The following NEB variants were observed in gnomAD, a reference collection of about 807,000 sequenced individuals.
NEB encodes the protein nemaline myopathy type 2.
NEB carries 512 observed loss-of-function variants against 952.2 expected under a neutral mutation model. The ratio of observed to expected loss-of-function variants is 0.54; its 90% CI spans 0.50 to 0.58. The LOEUF (loss-of-function observed/expected upper bound fraction) is 0.58, where lower values mean the gene tolerates loss of function less well. Among genes scored for constraint, NEB ranks in the 20% least tolerant of loss-of-function variants. The pLI, the probability that NEB is intolerant of heterozygous loss-of-function variation, is 0.00. For synonymous variants in NEB, 2,900 were observed against 3,149.8 expected, an observed-to-expected ratio of 0.92 and a Z score of 2.66; for missense variants, 8,428 against 9,231.1, an observed-to-expected ratio of 0.91 and a Z score of 3.56.
At chr2:151,647,114 A>G (rs1439236041) in intron 54 of NEB, among the ~76,000 whole-genome samples, 1 of 149,960 alleles carries the variant, frequency 6.7e-6, no homozygotes, top group Non-Finnish European at 1.5e-5. Context: ...TAAAACTAAT[A>G]ATTTTTTTTT....
chr2:151,663,292 G>T (rs2099167815), intron 45 of NEB, among the ~76,000 whole-genome samples: 1 of 152,142 alleles, frequency 6.6e-6, no homozygotes, highest in Admixed American at 6.5e-5. Flanking sequence ...TTTCTGAAAT[G>T]AAGTTCCATT....
At chr2:151,517,973 G>A (rs1048566707) in intron 156 of NEB, among the ~76,000 whole-genome samples, 1 of 152,122 alleles carries the variant, frequency 6.6e-6, no homozygotes, top group African/African-American at 2.4e-5. Flanking sequence ...TTCTCTGTTT[G>A]AAATCTTCCT....
chr2:151,508,202 C>T lies in NEB; in HGVS notation c.23347-93G>A, dbSNP rs2070884241. ...TAGGCTATTTTAGCCCTTCCAGGCT[C>T]AGCAGAGGGAAAGTCCTTTGTATTT... On this transcript the variant is annotated intron_variant, in intron 161 of 181. Coordinates refer to ENST00000397345, the MANE Select transcript of NEB (RefSeq NM_001164508.2). 1.9e-5 allele frequency: 14 copies of T among 752,704 alleles called. No individual in the cohort carries two copies. In the South Asian group the frequency reaches 2.8e-4, roughly 15 times the overall value. The allele number at this position is 752,704 out of a possible 1,614,324, so 46.6% of individuals were successfully genotyped here. A position where few individuals can be genotyped will look rare whatever the true frequency, so the allele number is the denominator to read the frequency against.
At chr2:151,667,771 A>G in intron 40 of NEB, 33 bp downstream of exon 40, 1 of 1,567,220 alleles carries the variant, frequency 6.4e-7, no homozygotes, top group Non-Finnish European at 8.8e-7. Context: ...AGTCTTTTAG[A>G]TAGAAAGTTT....
chr2:151,492,125 TC>T lies in NEB; in HGVS notation c.25029del (p.Asn8344MetfsTer38). The T allele has an allele frequency of 1.2e-6, 2 of 1,613,934 alleles. No individual in the cohort carries two copies. Among genetic ancestry groups the T allele is most frequent in the Non-Finnish European group, 1.7e-6 (2 of 1,179,858 alleles). ...GTAATAGTCTCCTGATCTTGGTCAT[TC>T]CGTTTTTGTTCCATTTCTACCACTT... ...QRKVVEMEQKRNDQDQETITG... is the reference protein window; with the variant it reads ...QRKVVEMEQKXNDQDQETITG... On this transcript the variant is annotated frameshift_variant, in exon 178 of 182. Transcript: ENST00000397345. LOFTEE classifies it high-confidence loss of function.
intron 172 of NEB, 119 bp downstream of exon 172, chr2:151,496,822 G>A: frequency 8.2e-7 from 1 of 1,213,586 alleles, no homozygotes; most frequent in Non-Finnish European, 1.2e-6. Context: ...GGATAAATTT[G>A]CTAAAGAAAG....
chr2:151,493,741 G>T (rs756558819), intron 175 of NEB, 34 bp downstream of exon 175: 1 of 1,444,214 alleles, frequency 6.9e-7, no homozygotes, highest in Non-Finnish European at 9.5e-7. Flanking sequence ...GGGCTGTTAA[G>T]ATTTTAAGGA....
chr2:151,638,676 C>T (rs575784920), intron 63 of NEB, among the ~76,000 whole-genome samples: 44 of 152,268 alleles, frequency 2.9e-4, no homozygotes, highest in African/African-American at 1.0e-3. Context: ...GGTACCTTTG[C>T]ACTAGGGTGG....
At chr2:151,662,031 G>A in intron 46 of NEB, 104 bp downstream of exon 46, 2 of 895,748 alleles carry the variant, frequency 2.2e-6, no homozygotes, top group Non-Finnish European at 3.3e-6. Flanking sequence ...ATAACCTCAA[G>A]TGTGATGCCC....
chr2:151,658,758 C>A (rs750392223), intron 47 of NEB, among the ~76,000 whole-genome samples: 2 of 152,104 alleles, frequency 1.3e-5, no homozygotes, highest in Non-Finnish European at 2.9e-5. Flanking sequence ...CTAGGACTCT[C>A]ATTTCCTTTT....
rs369642754 is a variant in NEB at position 151,525,171 on chromosome 2, G to T, written c.22264C>A (p.Gln7422Lys). 5.6e-6 allele frequency: 9 copies of T among 1,612,538 alleles called. No homozygotes were observed. The highest frequency in any genetic ancestry group is 4.0e-5 in the African/African-American group (3 of 74,920). ...VKHAMEVAKKQSDVAYRKDAK... is the reference protein window; with the variant it reads ...VKHAMEVAKKKSDVAYRKDAK... The stretch of plus-strand genomic sequence containing the variant: ...TGAGAGGGAAAACTTACATCACTTT[G>T]CTTCTTGGCCACTTCCATAGCATGT... The change falls in exon 151 of 182, where the codon CAA becomes AAA. Residue 7422 changes from glutamine to lysine, a missense_variant. Transcript: ENST00000397345.
At position 151,537,938 on chromosome 2, in the gene NEB, G is replaced by C. The variant is rs2093440613; in HGVS notation, c.21036C>G (p.Ile7012Met). The C allele has an allele frequency of 6.2e-7, 1 of 1,613,370 alleles. No individual in the cohort carries two copies. The highest frequency in any genetic ancestry group is 1.7e-5 in the Admixed American group (1 of 59,972). ...YKENYMSQLG[I>M]WRSIPDRPEH... ...CTGGACGATCAGGAATGGACCTCCA[G>C]ATACCCAACTGGCTCATGTAGTTCT... The change falls in exon 140 of 182, where the codon ATC becomes ATG. Residue 7012 changes from isoleucine to methionine, a missense_variant. Ile to Met is a conservative substitution (Grantham distance 10, BLOSUM62 1). This residue lies in a region of NEB where 3,374 missense variants were observed against 3,651.5 expected (regional missense o/e 0.92). Transcript: ENST00000397345.
rs754439228 is a variant in NEB at position 151,733,112 on chromosome 2, A to T, written c.36+9T>A. 1.4e-5 allele frequency: 22 copies of T among 1,590,020 alleles called. No individual in the cohort carries two copies. The highest frequency in any genetic ancestry group is 1.7e-4 in the Middle Eastern group (1 of 6,010). On this transcript the variant is annotated intron_variant, in intron 3 of 181. Coordinates refer to ENST00000397345, the MANE Select transcript of NEB (RefSeq NM_001164508.2). ...AGTTTGCTGTCAGTGTTTTTTTTTT[A>T]AATCTTACCTCCACCACCTCCTCAT...
chr2:151,732,907 A>C (rs1324530047), intron 3 of NEB, among the ~76,000 whole-genome samples: 5 of 152,214 alleles, frequency 3.3e-5, no homozygotes, highest in Admixed American at 3.3e-4. Flanking sequence ...AAAGAAAAGC[A>C]AAAGTGGGAA....
At chr2:151,694,696 G>T (rs10193188) in intron 18 of NEB, 67 bp from the exon 19 acceptor site, 1 of 1,207,992 alleles carries the variant, frequency 8.3e-7, no homozygotes, top group Non-Finnish European at 1.2e-6. Context: ...TTAAAGACTA[G>T]TGGGTAACTA....
In NEB at chr2:151,630,483, C is replaced by G. The variant is rs1054212799; in HGVS notation, c.9723+232G>C. Among the ~76,000 whole-genome samples the G allele has an allele frequency of 3.1e-4, 47 of 152,164 alleles. No homozygotes were observed. Among genetic ancestry groups the G allele is most frequent in the Non-Finnish European group, 5.9e-4 (40 of 68,028 alleles). On this transcript the variant is annotated intron_variant, in intron 67 of 181. Transcript: ENST00000397345. ...ATCCTCTGAAGTGTCTAAAATACTA[C>G]TCAGTCCCACTGACTCACTGGAAAT...
chr2:151,568,321 C>T lies in NEB; in HGVS notation c.17731G>A (p.Asp5911Asn). The T allele has an allele frequency of 6.2e-7, 1 of 1,613,264 alleles. No individual in the cohort carries two copies. Among genetic ancestry groups the T allele is most frequent in the Non-Finnish European group, 8.5e-7 (1 of 1,179,532 alleles). Residue 5911 changes from aspartate (D) to asparagine (N), a missense_variant, in exon 112 of 182, where the codon GAC (aspartate) becomes AAC (asparagine). By Grantham distance (23) the Asp-to-Asn change is conservative. This residue lies in a region of NEB where 3,374 missense variants were observed against 3,651.5 expected (regional missense o/e 0.92). Transcript: ENST00000397345. ...CATGTGGGTGAAACCCATACCTGGT[C>T]CAGTATCCTAGCAGCCTCCTGGGCA... ...HTAQEAARIL[D>N]QYLYKEGWER...
chr2:151,553,412 C>A lies in NEB; in HGVS notation c.19717G>T (p.Asp6573Tyr). The A allele has an allele frequency of 6.2e-7, 1 of 1,612,642 alleles. No individual in the cohort carries two copies. Among genetic ancestry groups the A allele is most frequent in the South Asian group, 1.1e-5 (1 of 91,050 alleles). Residue 6573 changes from aspartate to tyrosine, a missense_variant, in exon 127 of 182, where the codon GAT becomes TAT. Around this residue, in one of 11 missense-constraint regions of NEB, gnomAD observed 3,374 missense variants for 3,651.5 expected, o/e 0.92. Transcript: ENST00000397345. ...GGCAAACTCACATCATCACGTAGAT[C>A]ATAAGCATGCTTGGCATGGAGGATT... ...PEILHAKHAY[D>Y]LRDDIKYKAH...
intron 58 of NEB, 43 bp from the exon 59 acceptor site, chr2:151,642,912 AATAGAC>A (rs1195174493): frequency 6.9e-7 from 1 of 1,441,812 alleles, no homozygotes; most frequent in Non-Finnish European, 9.6e-7. Context: ...GCCAGTAATA[AATAGAC>A]ACATGCAGAC....
Sources: gnomAD v4.1 joint callset for allele counts (sites outside exome capture counted in the v4.1 genomes callset) on GRCh38, gnomAD v4.1.1 for gene constraint, gnomAD v4.1.1 regional missense constraint, MANE v1.5 for transcripts, NCBI Gene and HGNC (gene_info 2026-07-23, HGNC 2026-07-21) for gene names.